The following TEX264 variants were observed in gnomAD, a reference collection of about 807,000 sequenced individuals.
TEX264 encodes testis expressed 264, ER-phagy receptor.
In TEX264, 13 loss-of-function variants were observed where a neutral mutation model predicts 23.4. That is an observed-to-expected ratio of 0.56 (90% CI 0.36 to 0.88). The LOEUF is 0.88. TEX264 is among the 40% of genes least tolerant of loss of function. TEX264 has a pLI of 0.01. For synonymous variants in TEX264, 159 were observed against 170.0 expected, an observed-to-expected ratio of 0.94 and a Z score of 0.50; for missense variants, 340 against 406.8, an observed-to-expected ratio of 0.84 and a Z score of 1.41.
rs1371121998 is a variant in TEX264, at chr3:51,691,642, G to T, written c.480+7008G>T. On this transcript the variant is annotated intron_variant, in intron 3 of 4. Coordinates refer to ENST00000341333, the MANE Select transcript of TEX264 (RefSeq NM_015926.6). This position sits in a 1 kb window ranked among gnomAD's most constrained non-coding sequence, Gnocchi z 4.4. ...TGTATCCAGTGAGGCTGGAGTACAGGAGAGGAGCAAGAGTTTGGGCCTAAG... is the reference window on the plus strand; with the variant it reads ...TGTATCCAGTGAGGCTGGAGTACAGTAGAGGAGCAAGAGTTTGGGCCTAAG... 6.6e-6 allele frequency among the ~76,000 whole-genome samples: 1 copy of T among 152,156 alleles called. No individual in the cohort carries two copies. Among genetic ancestry groups the T allele is most frequent in the Non-Finnish European group, 1.5e-5 (1 of 68,030 alleles).
In TEX264 at chr3:51,686,373, A is replaced by G. The variant is rs1223618136; in HGVS notation, c.480+1739A>G. 6.6e-6 allele frequency among the ~76,000 whole-genome samples: 1 copy of G among 152,138 alleles called. No homozygotes were observed. The highest frequency in any genetic ancestry group is 1.5e-5 in the Non-Finnish European group (1 of 68,022). ...AGGATCCTTGCAACTTTGTTCACCA[A>G]AGCAGCTTGGGGAAAGGGACACAGC... On this transcript the variant is annotated intron_variant, in intron 3 of 4. Coordinates refer to ENST00000341333, the MANE Select transcript of TEX264 (RefSeq NM_015926.6). The surrounding 1 kb of genome is among the most constrained non-coding windows in gnomAD (Gnocchi z 4.1).
At chr3:51,678,553 C>T (rs980829318) in intron 2 of TEX264, among the ~76,000 whole-genome samples, 1 of 152,202 alleles carries the variant, frequency 6.6e-6, no homozygotes. Context: ...ACATCTACTA[C>T]CTAGGAGGTG....
At chr3:51,687,907 A>T (rs1702685705) in intron 3 of TEX264, among the ~76,000 whole-genome samples, 1 of 152,224 alleles carries the variant, frequency 6.6e-6, no homozygotes. Flanking sequence ...TCTGGAAGGG[A>T]TGGCTGATCT....
intron 1 of TEX264, 55 bp downstream of exon 1, chr3:51,671,343 C>G (rs1702033240): frequency 1.3e-5 from 2 of 152,316 alleles, no homozygotes; most frequent in Admixed American, 6.5e-5. Flanking sequence ...TCTGGGACTC[C>G]CCCTGTCCGC....
chr3:51,695,402 C>A (rs543989783), intron 3 of TEX264, among the ~76,000 whole-genome samples: 1 of 152,346 alleles, frequency 6.6e-6, no homozygotes, highest in South Asian at 2.1e-4. Flanking sequence ...GGGAGTGGGA[C>A]CCATCATCAG....
At position 51,703,719 on chromosome 3, in the gene TEX264, C is replaced by T. The variant is rs894149643; in HGVS notation, c.650-5C>T. The T allele has an allele frequency of 6.3e-7, 1 of 1,577,684 alleles. No homozygotes were observed. The highest frequency in any genetic ancestry group is 8.7e-7 in the Non-Finnish European group (1 of 1,155,702). ...CTAACCTGTGCTCCCTTTTCCTGGT[C>T]ATAGGAGCTGACACAATGAGTGACA... On this transcript the variant is annotated splice_polypyrimidine_tract_variant and splice_region_variant and intron_variant, in intron 4 of 4. Coordinates refer to ENST00000341333, the MANE Select transcript of TEX264 (RefSeq NM_015926.6). The surrounding 1 kb of genome is among the most constrained non-coding windows in gnomAD (Gnocchi z 4.8).
intron 3 of TEX264, among the ~76,000 whole-genome samples, chr3:51,699,191 C>T (rs924983970): frequency 2.6e-5 from 4 of 152,164 alleles, no homozygotes; most frequent in Non-Finnish European, 5.9e-5. Context: ...CGTCCTGGGT[C>T]TTCAGACTAT....
At position 51,684,503 on chromosome 3, in the gene TEX264, A is replaced by C; in HGVS notation, c.349A>C (p.Lys117Gln). The change falls in exon 3 of 5, where the codon AAA becomes CAA. Residue 117 changes from lysine (K) to glutamine (Q), a missense_variant. Lys to Gln is a moderately conservative substitution (Grantham distance 53, BLOSUM62 1). Coordinates refer to ENST00000341333, the MANE Select transcript of TEX264 (RefSeq NM_015926.6). ...CCCTGAGCTCATCGACCTCTACCAG[A>C]AATTTGGCTTCAAGGTGTTCTCCTT... ...PSPELIDLYQ[K>Q]FGFKVFSFPA... 1 of 1,614,208 alleles carries C rather than the reference A, an allele frequency of 6.2e-7. No individual in the cohort carries two copies. The highest frequency in any genetic ancestry group is 8.5e-7 in the Non-Finnish European group (1 of 1,180,024).
intron 4 of TEX264, among the ~76,000 whole-genome samples, chr3:51,700,493 A>G (rs949518022): frequency 1.3e-5 from 2 of 152,068 alleles, no homozygotes; most frequent in African/African-American, 4.8e-5. Context: ...TTCATCTGCC[A>G]CTTAATTACC....
At chr3:51,674,784 G>T (rs1406071417) in intron 2 of TEX264, among the ~76,000 whole-genome samples, 1 of 152,144 alleles carries the variant, frequency 6.6e-6, no homozygotes, top group African/African-American at 2.4e-5. Flanking sequence ...GGTTCCCCTT[G>T]CCCATGGCTA....
At chr3:51,693,031 G>C (rs1221126026) in intron 3 of TEX264, among the ~76,000 whole-genome samples, 3 of 152,242 alleles carry the variant, frequency 2.0e-5, no homozygotes, top group Non-Finnish European at 4.4e-5. Flanking sequence ...TGGGCACTAA[G>C]GTGCTTAAGA....
chr3:51,682,365 A>T (rs1037366326), intron 2 of TEX264: 3 of 152,324 alleles, frequency 2.0e-5, no homozygotes, highest in Non-Finnish European at 2.9e-5. Flanking sequence ...ACTGTGTGCA[A>T]GGTAGACTTA....
chr3:51,694,746 A>T (rs1702992724), intron 3 of TEX264, among the ~76,000 whole-genome samples: 1 of 151,846 alleles, frequency 6.6e-6, no homozygotes, highest in East Asian at 1.9e-4. Flanking sequence ...TTTGCCTGCC[A>T]TTTTCAGAGC....
intron 3 of TEX264, among the ~76,000 whole-genome samples, chr3:51,693,033 T>G (rs1298282634): frequency 6.6e-6 from 1 of 152,192 alleles, no homozygotes; most frequent in African/African-American, 2.4e-5. Context: ...GGCACTAAGG[T>G]GCTTAAGAGC....
At chr3:51,697,531 T>C (rs1293460650) in intron 3 of TEX264, among the ~76,000 whole-genome samples, 1 of 152,230 alleles carries the variant, frequency 6.6e-6, no homozygotes, top group African/African-American at 2.4e-5. Flanking sequence ...GTGAGGATGT[T>C]GGTGAAGGCC....
intron 2 of TEX264, chr3:51,683,992 C>A (rs1489110499): frequency 9.1e-6 from 2 of 219,558 alleles, no homozygotes; most frequent in South Asian, 7.3e-5. Context: ...AGCCACTGTA[C>A]AGTTCTGCTG....
In TEX264 at chr3:51,686,965, C is replaced by T. The variant is rs1702643853; in HGVS notation, c.480+2331C>T. ...GGGTTTATTTTTAGACACCTTTGTC[C>T]AAATTTCCCGGCCCCTGACAGCTTC... On this transcript the variant is annotated intron_variant, in intron 3 of 4. Coordinates refer to ENST00000341333, the MANE Select transcript of TEX264 (RefSeq NM_015926.6). The surrounding 1 kb of genome is among the most constrained non-coding windows in gnomAD (Gnocchi z 4.1). Among the ~76,000 whole-genome samples the T allele has an allele frequency of 6.6e-6, 1 of 152,204 alleles. No individual in the cohort carries two copies. The highest frequency in any genetic ancestry group is 2.4e-5 in the African/African-American group (1 of 41,466).
At chr3:51,673,814 C>CGGAG (rs1702135899) in intron 1 of TEX264, among the ~76,000 whole-genome samples, 4 of 152,184 alleles carry the variant, frequency 2.6e-5, no homozygotes, top group Non-Finnish European at 5.9e-5. Flanking sequence ...GCCAGTCCTC[C>CGGAG]CTCTGGCAGT....
chr3:51,685,254 A>C (rs1469475121), intron 3 of TEX264, among the ~76,000 whole-genome samples: 1 of 152,242 alleles, frequency 6.6e-6, no homozygotes, highest in African/African-American at 2.4e-5. Flanking sequence ...TTGCCCTGTT[A>C]CACATCCCTC....
Sources: allele counts gnomAD v4.1 joint callset (sites outside exome capture counted in the v4.1 genomes callset), GRCh38; gene constraint gnomAD v4.1.1; non-coding constraint Gnocchi (gnomAD v3.1); transcripts MANE v1.5; gene names NCBI Gene and HGNC (gene_info 2026-07-23, HGNC 2026-07-21).